Variants in BIRC6 observed in about 807,000 individuals in gnomAD.
BIRC6 encodes the protein dual E2 ubiquitin-conjugating enzyme/E3 ubiquitin-protein ligase BIRC6.
BIRC6 carries 98 observed loss-of-function variants against 503.3 expected under a neutral mutation model. The observed-to-expected ratio is 0.19, with a 90% CI of 0.17 to 0.23. BIRC6 has a LOEUF of 0.23. BIRC6 is among the 10% of genes least tolerant of loss of function. The pLI is 1.00. For synonymous variants in BIRC6, 2,240 were observed against 2,078.7 expected (o/e 1.08, Z -2.11); for missense variants, 5,360 against 5,806.0 (o/e 0.92, Z 2.50).
chr2:32,607,698 C>CT (rs1424190908), intron 72 of BIRC6, 55 bp downstream of exon 72: 4 of 1,461,490 alleles, frequency 2.7e-6, no homozygotes. Context: ...ACAATATAGG[C>CT]TGGGCATGGT....
At chr2:32,520,305 A>C (rs537231940) in intron 57 of BIRC6, among the ~76,000 whole-genome samples, 1 of 152,222 alleles carries the variant, frequency 6.6e-6, no homozygotes, top group Non-Finnish European at 1.5e-5. Context: ...CGCTGTGTCT[A>C]ATATGCATGT....
At chr2:32,381,067 C>T (rs2037568083) in intron 3 of BIRC6, among the ~76,000 whole-genome samples, 1 of 151,996 alleles carries the variant, frequency 6.6e-6, no homozygotes, top group African/African-American at 2.4e-5. Flanking sequence ...CTTTTAAGGC[C>T]TTTTCTAAGT....
At position 32,478,091 on chromosome 2, in the gene BIRC6, A is replaced by G. The variant is rs567680306; in HGVS notation, c.7068+508A>G. ...TGTGGTGCTTCACACCTGTAATCCC[A>G]ACACTTCGGGAGGCGGAGGGGCGGA... On this transcript the variant is annotated intron_variant, in intron 35 of 73. Transcript: ENST00000421745. 4.8e-3 allele frequency among the ~76,000 whole-genome samples: 729 copies of G among 152,246 alleles called. 4 individuals carry two copies. The highest frequency in any genetic ancestry group is 6.8e-3 in the Non-Finnish European group (463 of 68,018).
intron 23 of BIRC6, among the ~76,000 whole-genome samples, chr2:32,461,747 C>T (rs1045507613): frequency 6.6e-6 from 1 of 152,034 alleles, no homozygotes; most frequent in African/African-American, 2.4e-5. Flanking sequence ...GTTAGATTGC[C>T]TGGATTTTCC....
At position 32,478,759 on chromosome 2, in the gene BIRC6, C is replaced by T; in HGVS notation, c.7193C>T (p.Ser2398Phe). The T allele has an allele frequency of 6.2e-7, 1 of 1,613,816 alleles. No individual in the cohort carries two copies. The highest frequency in any genetic ancestry group is 8.5e-7 in the Non-Finnish European group (1 of 1,179,830). ...VGTDFNRGDISWGGAWAQYSL... is the reference protein window; with the variant it reads ...VGTDFNRGDIFWGGAWAQYSL... Reference sequence around the variant, plus strand: ...ACTGACTTCAATAGAGGAGATATATCTTGGGGTGGTGCTTGGGCTCAGTAT... The same window carrying T: ...ACTGACTTCAATAGAGGAGATATATTTTGGGGTGGTGCTTGGGCTCAGTAT... The change falls in exon 36 of 74, where the codon TCT (serine) becomes TTT (phenylalanine). Residue 2398 changes from serine (S) to phenylalanine (F), a missense_variant. Around this residue, in one of 16 missense-constraint regions of BIRC6, gnomAD observed 2,299 missense variants for 2,267.2 expected, o/e 1.01. Coordinates refer to ENST00000421745, the MANE Select transcript of BIRC6 (RefSeq NM_016252.4).
intron 66 of BIRC6, among the ~76,000 whole-genome samples, chr2:32,576,517 T>C (rs2060275131): frequency 6.6e-6 from 1 of 152,242 alleles, no homozygotes; most frequent in African/African-American, 2.4e-5. Flanking sequence ...AGTTTACTCC[T>C]TTTTCAGTTA....
intron 40 of BIRC6, among the ~76,000 whole-genome samples, chr2:32,486,730 T>C (rs1465981582): frequency 6.6e-6 from 1 of 152,186 alleles, no homozygotes; most frequent in Non-Finnish European, 1.5e-5. Flanking sequence ...TTGAATTCTT[T>C]CAGTCTGCAA....
At chr2:32,377,206 A>AATAT (rs537038995) in intron 1 of BIRC6, among the ~76,000 whole-genome samples, 27 of 133,796 alleles carry the variant, frequency 2.0e-4, no homozygotes, top group African/African-American at 7.9e-4. Context: ...TTATTCCCTT[A>AATAT]ATATATATGT....
rs1390908701 is a variant in BIRC6 at position 32,429,137 on chromosome 2, A to G, written c.2873-9A>G. ...TTTTCATGTATCTATGAAATTTACTACACTGTAGGTGGTGAGCTTCATTTT... is the reference window on the plus strand; with the variant it reads ...TTTTCATGTATCTATGAAATTTACTGCACTGTAGGTGGTGAGCTTCATTTT... On this transcript the variant is annotated splice_polypyrimidine_tract_variant and intron_variant, in intron 10 of 73. Coordinates refer to ENST00000421745, the MANE Select transcript of BIRC6 (RefSeq NM_016252.4). 1 of 1,577,128 alleles carries G rather than the reference A, an allele frequency of 6.3e-7. No individual in the cohort carries two copies. The highest frequency in any genetic ancestry group is 8.6e-7 in the Non-Finnish European group (1 of 1,163,202).
intron 9 of BIRC6, among the ~76,000 whole-genome samples, chr2:32,413,687 G>T: frequency 7.0e-6 from 1 of 143,726 alleles, no homozygotes; most frequent in East Asian, 2.1e-4. Context: ...TCTTAGATTT[G>T]ATTATGTCTT....
Position 32,515,185 on chromosome 2 carries a change from T to C in BIRC6, c.10764T>C (p.Leu3588=). 1.2e-6 allele frequency: 2 copies of C among 1,613,978 alleles called. No homozygotes were observed. Among genetic ancestry groups the C allele is most frequent in the Non-Finnish European group, 1.7e-6 (2 of 1,179,884 alleles). The change falls in exon 55 of 74, where the codon CTT becomes CTC. Residue 3588 remains leucine, a synonymous_variant. Transcript: ENST00000421745. ...SMTDDSKKQD[L]SSSLTDDSKN... is the part of the protein sequence containing the mutation. The stretch of plus-strand genomic sequence containing the variant: ...CAGATGATAGCAAAAAGCAGGATCT[T>C]AGTTCATCTTTAACAGATGACTCTA...
intron 6 of BIRC6, among the ~76,000 whole-genome samples, chr2:32,399,345 C>T (rs1374640243): frequency 3.9e-5 from 6 of 152,180 alleles, no homozygotes; most frequent in Non-Finnish European, 8.8e-5. Flanking sequence ...CTCAGCCTCC[C>T]AAAGTGGTGG....
At chr2:32,501,990 C>A in intron 47 of BIRC6, 102 bp downstream of exon 47, 2 of 1,171,878 alleles carry the variant, frequency 1.7e-6, no homozygotes, top group Non-Finnish European at 2.4e-6. Flanking sequence ...TATTATATAT[C>A]GGACAATGAA....
intron 73 of BIRC6, among the ~76,000 whole-genome samples, chr2:32,617,265 G>T (rs948325974): frequency 1.1e-4 from 16 of 152,118 alleles, no homozygotes; most frequent in Admixed American, 9.8e-4. Flanking sequence ...GCTGGTTGTG[G>T]TGGCGCCCAC....
At chr2:32,582,696 C>T (rs551450040) in intron 66 of BIRC6, among the ~76,000 whole-genome samples, 4 of 152,216 alleles carry the variant, frequency 2.6e-5, no homozygotes, top group South Asian at 4.1e-4. Flanking sequence ...GCAGAGGTTG[C>T]GGTGAGCCAA....
chr2:32,464,939 T>G (rs2048363954), intron 25 of BIRC6, 116 bp downstream of exon 25: 1 of 1,378,600 alleles, frequency 7.3e-7, no homozygotes, highest in South Asian at 1.5e-5. Flanking sequence ...TTATTTTCTT[T>G]TATAAAATAT....
Position 32,513,017 on chromosome 2 carries a change from T to C in BIRC6, c.10431T>C (p.Pro3477=). 1.2e-6 allele frequency: 2 copies of C among 1,613,970 alleles called. No individual in the cohort carries two copies. Residue 3477 remains proline (P), a synonymous_variant, in exon 54 of 74, where the codon CCT becomes CCC. Transcript: ENST00000421745. ...KRSGRMNYMC[P]NSSTVEYGLL... ...GTGGCAGGATGAACTACATGTGTCC[T>C]AACTCCTCAACAGTAGAGTATGGTC...
chr2:32,560,780 C>G (rs2059116614), intron 65 of BIRC6, among the ~76,000 whole-genome samples: 1 of 151,706 alleles, frequency 6.6e-6, no homozygotes, highest in Non-Finnish European at 1.5e-5. Flanking sequence ...GTTGCCCAGG[C>G]TAGTTTCAAA....
chr2:32,551,598 A>C (rs1319427696), intron 65 of BIRC6, among the ~76,000 whole-genome samples: 1 of 152,174 alleles, frequency 6.6e-6, no homozygotes, highest in East Asian at 1.9e-4. Context: ...GGCATTTAAA[A>C]ACCTGAACAA....
Sources: allele counts gnomAD v4.1 joint callset (sites outside exome capture counted in the v4.1 genomes callset), GRCh38; gene constraint gnomAD v4.1.1; regional missense constraint gnomAD v4.1.1; transcripts MANE v1.5; gene names NCBI Gene and HGNC (gene_info 2026-07-23, HGNC 2026-07-21).